Variants in AHI1 observed in about 807,000 individuals in gnomAD.
AHI1 encodes the protein Abelson helper integration site 1, also known as jouberin.
In AHI1, 123 loss-of-function variants were observed where a neutral mutation model predicts 149.3. The observed-to-expected ratio is 0.82, with a 90% CI of 0.71 to 0.96. The LOEUF is 0.96. Ranked by LOEUF, AHI1 falls within the 40% of genes least tolerant of loss-of-function variation. AHI1 has a pLI of 0.00. For missense variants in AHI1, 1,439 were observed against 1,422.7 expected (o/e 1.01, Z -0.18); for synonymous variants, 475 against 459.8 (o/e 1.03, Z -0.42).
Position 135,400,247 on chromosome 6 carries a change from G to A in AHI1, c.2988+4704C>T, listed in dbSNP as rs531547522. On this transcript the variant is annotated intron_variant, in intron 22 of 28. Coordinates refer to ENST00000265602, the MANE Select transcript of AHI1 (RefSeq NM_001134831.2). ...AAATCTCAAAAATATCCAAATATAC[G>A]TTTTAAACAGAAAAATTAAAAAAAT... Among the ~76,000 whole-genome samples the A allele has an allele frequency of 9.9e-5, 15 of 151,924 alleles. No individual in the cohort carries two copies. The East Asian group carries it at 2.1e-3, about 22-fold the overall frequency.
intron 21 of AHI1, among the ~76,000 whole-genome samples, chr6:135,409,077 T>A (rs1379755624): frequency 6.6e-6 from 1 of 152,180 alleles, no homozygotes; most frequent in Admixed American, 6.5e-5. Context: ...ATCTCCTCCT[T>A]TTAGAAGAAC....
At chr6:135,389,774 G>A (rs954560160) in intron 23 of AHI1, among the ~76,000 whole-genome samples, 1 of 152,150 alleles carries the variant, frequency 6.6e-6, no homozygotes, top group African/African-American at 2.4e-5. Context: ...AATGAAATAT[G>A]CTGTCCTTCA....
intron 27 of AHI1, among the ~76,000 whole-genome samples, chr6:135,299,551 G>C (rs578162102): frequency 2.6e-5 from 4 of 152,126 alleles, no homozygotes; most frequent in Non-Finnish European, 4.4e-5. Context: ...TGTTAGTAAT[G>C]TAATTTGAAT....
intron 8 of AHI1, among the ~76,000 whole-genome samples, chr6:135,458,916 T>C (rs936664355): frequency 6.6e-6 from 1 of 152,164 alleles, no homozygotes; most frequent in African/African-American, 2.4e-5. Flanking sequence ...AAGTGATAAC[T>C]TGACAAGAGA....
chr6:135,349,408 C>T (rs1791736135), intron 24 of AHI1, among the ~76,000 whole-genome samples: 2 of 152,238 alleles, frequency 1.3e-5, no homozygotes, highest in Admixed American at 6.5e-5. Flanking sequence ...ATATACTACA[C>T]GTGTTCTCCA....
chr6:135,411,624 T>G (rs1369195416), intron 20 of AHI1, 80 bp from the exon 21 acceptor site: 1 of 1,223,846 alleles, frequency 8.2e-7, no homozygotes, highest in African/African-American at 1.5e-5. Flanking sequence ...ATTCAACAAA[T>G]AATCAGAAAC....
intron 14 of AHI1, 60 bp from the exon 15 acceptor site, chr6:135,438,558 C>T (rs1785768610): frequency 1.6e-6 from 2 of 1,277,998 alleles, no homozygotes; most frequent in Non-Finnish European, 2.1e-6. Context: ...CAATAATATA[C>T]AAATATATAA....
intron 23 of AHI1, among the ~76,000 whole-genome samples, chr6:135,363,626 C>A (rs1440119983): frequency 6.8e-6 from 1 of 147,366 alleles, no homozygotes; most frequent in African/African-American, 2.5e-5. Context: ...TAGGGGCGGC[C>A]GGGCAGAGGC....
intron 23 of AHI1, among the ~76,000 whole-genome samples, chr6:135,384,617 C>G (rs1160525345): frequency 6.6e-6 from 1 of 152,136 alleles, no homozygotes; most frequent in Non-Finnish European, 1.5e-5. Flanking sequence ...GAAATGCCAC[C>G]ACAAAATCTT....
chr6:135,450,841 T>TA (rs1273382933), intron 11 of AHI1, among the ~76,000 whole-genome samples: 1 of 152,160 alleles, frequency 6.6e-6, no homozygotes, highest in Non-Finnish European at 1.5e-5. Context: ...CACATATATG[T>TA]ACTAAAAGAA....
intron 15 of AHI1, 58 bp from the exon 16 acceptor site, chr6:135,433,314 G>GT: frequency 7.7e-7 from 1 of 1,301,630 alleles, no homozygotes; most frequent in East Asian, 2.4e-5. Flanking sequence ...TCTTTTAACA[G>GT]TTTTTCTAAG....
intron 23 of AHI1, among the ~76,000 whole-genome samples, chr6:135,386,261 A>C (rs1383611882): frequency 6.6e-6 from 1 of 151,824 alleles, no homozygotes; most frequent in Non-Finnish European, 1.5e-5. Flanking sequence ...AAAAAAAAAA[A>C]AGCACCTTTT....
At chr6:135,388,031 T>C (rs778552866) in intron 23 of AHI1, 16 of 1,613,732 alleles carry the variant, frequency 9.9e-6, no homozygotes, top group East Asian at 6.7e-5. Flanking sequence ...GCAAAGTGAC[T>C]GTCTGGAAAA....
In AHI1 at chr6:135,463,120, C is replaced by A. The variant is rs1216222889; in HGVS notation, c.931+5G>T. The A allele has an allele frequency of 3.2e-6, 5 of 1,566,520 alleles. No homozygotes were observed. In the South Asian group the frequency reaches 6.2e-5, roughly 19 times the overall value. ...ACAATTTTTCATTTAATTTGTATAG[C>A]AAACCTGCTTTAGTCTTCTTTTTTG... On this transcript the variant is annotated splice_donor_5th_base_variant and intron_variant, in intron 8 of 28. Transcript: ENST00000265602.
chr6:135,497,381 G>C (rs377172350), intron 1 of AHI1, 132 bp from the exon 2 acceptor site: 1 of 152,456 alleles, frequency 6.6e-6, no homozygotes, highest in East Asian at 1.9e-4. Context: ...ACGGAGACCA[G>C]TGAAAGAAGC....
chr6:135,464,895 C>G (rs1029980454), intron 7 of AHI1, among the ~76,000 whole-genome samples: 1 of 152,198 alleles, frequency 6.6e-6, no homozygotes, highest in South Asian at 2.1e-4. Context: ...AGTGAAGTCA[C>G]TCTCAGATTG....
chr6:135,309,693 G>A (rs1784930915), intron 26 of AHI1, among the ~76,000 whole-genome samples: 1 of 152,032 alleles, frequency 6.6e-6, no homozygotes, highest in African/African-American at 2.4e-5. Flanking sequence ...TGTTGGTCAG[G>A]CTGGTCTCGA....
At chr6:135,359,993 A>G (rs1793604536) in intron 23 of AHI1, among the ~76,000 whole-genome samples, 1 of 152,152 alleles carries the variant, frequency 6.6e-6, no homozygotes, top group Non-Finnish European at 1.5e-5. Context: ...CAAAGTTATA[A>G]TCTTAGTTTT....
At position 135,411,542 on chromosome 6, in the gene AHI1, C is replaced by A; in HGVS notation, c.2767G>T (p.Ala923Ser). ...TTGAACATTTCAGCCTCCTGCTGGG[C>A]AACTGAAGAAATGAATCCATAATTA... ...ILLYIYDFHVAQQEAEMFKRY... is the reference protein window; with the variant it reads ...ILLYIYDFHVSQQEAEMFKRY... The change falls in exon 21 of 29, where the codon GCC (alanine) becomes TCC (serine). Residue 923 changes from alanine to serine, a missense_variant and splice_region_variant. Transcript: ENST00000265602. 2 of 1,563,138 alleles carry A rather than the reference C, an allele frequency of 1.3e-6. No individual in the cohort carries two copies. The highest frequency in any genetic ancestry group is 1.2e-5 in the South Asian group (1 of 81,110).
Sources: gnomAD v4.1 joint callset for allele counts (sites outside exome capture counted in the v4.1 genomes callset) on GRCh38, gnomAD v4.1.1 for gene constraint, MANE v1.5 for transcripts, NCBI Gene and HGNC (gene_info 2026-07-23, HGNC 2026-07-21) for gene names.